PCDH19: variants seen among roughly 807,000 people sequenced by gnomAD.
The protein encoded by PCDH19 is protocadherin-19.
In PCDH19, 6 loss-of-function variants were observed where a neutral mutation model predicts 46.2. The observed-to-expected ratio is 0.13, with a 90% CI of 0.07 to 0.26. The LOEUF is 0.26. PCDH19 is among the 10% of genes least tolerant of loss of function. The probability of loss-of-function intolerance (pLI) is 1.00; values close to 1 mark genes in which losing one functional copy is unlikely to be tolerated. For synonymous variants in PCDH19, 481 were observed against 415.7 expected (o/e 1.16, Z -1.91); for missense variants, 740 against 972.3 (o/e 0.76, Z 3.18).
chrX:100,408,969 C>T lies in PCDH19; in HGVS notation c.-372G>A, dbSNP rs2147543698. 1 of 113,121 alleles carries T rather than the reference C, an allele frequency of 8.8e-6. No homozygotes were observed. The highest frequency in any genetic ancestry group is 1.9e-5 in the Non-Finnish European group (1 of 53,299). 9.3% of individuals were successfully genotyped at this position (113,121 alleles called of 1,213,427 possible). A position where few individuals can be genotyped will look rare whatever the true frequency, so the allele number is the denominator to read the frequency against. ...GCGGGTCGGGCGGCGTCTGCGCGGC[C>T]TGGAGGACGCACCGCTGAGTCCGGA... On this transcript the variant is annotated 5_prime_UTR_variant, in exon 1 of 6. Transcript: ENST00000373034.
At chrX:100,398,642 G>A (rs1475814461) in intron 3 of PCDH19, among the ~76,000 whole-genome samples, 1 of 112,100 alleles carries the variant, frequency 8.9e-6, no homozygotes, top group Non-Finnish European at 1.9e-5. Flanking sequence ...CTCTCTGAGG[G>A]CAGAAGTTAC....
intron 5 of PCDH19, among the ~76,000 whole-genome samples, chrX:100,333,183 G>GAC (rs1569294726): frequency 4.6e-5 from 2 of 43,440 alleles, no homozygotes; most frequent in African/African-American, 1.6e-4. Flanking sequence ...GGGAGAGAGA[G>GAC]AGAAAGAAAG....
At chrX:100,321,781 CTTTTTTTT>C (rs1231191259) in intron 5 of PCDH19, among the ~76,000 whole-genome samples, 14 of 43,596 alleles carry the variant, frequency 3.2e-4, no homozygotes, top group African/African-American at 1.3e-3. Context: ...CCCACCTATT[CTTTTTTTT>C]TTTTTTTTTT....
intron 5 of PCDH19, among the ~76,000 whole-genome samples, chrX:100,338,826 C>T (rs1376239136): frequency 1.8e-5 from 2 of 111,805 alleles, no homozygotes; most frequent in Non-Finnish European, 3.8e-5. Flanking sequence ...ATAGTTTATA[C>T]CTTTACCCCA....
At chrX:100,311,710 T>G (rs1925135939) in intron 5 of PCDH19, among the ~76,000 whole-genome samples, 1 of 111,177 alleles carries the variant, frequency 9.0e-6, no homozygotes, top group Non-Finnish European at 1.9e-5. Context: ...GTGTGTGTGT[T>G]TTGTCATCAG....
At chrX:100,391,362 G>C (rs1039416853) in intron 3 of PCDH19, among the ~76,000 whole-genome samples, 2 of 111,700 alleles carry the variant, frequency 1.8e-5, no homozygotes, top group African/African-American at 6.5e-5. Flanking sequence ...TGCCTTTATG[G>C]CAGAACTCGC....
At chrX:100,382,805 C>A (rs1927592711) in intron 3 of PCDH19, among the ~76,000 whole-genome samples, 1 of 112,118 alleles carries the variant, frequency 8.9e-6, no homozygotes, top group African/African-American at 3.2e-5. Context: ...GCCAGCACAT[C>A]TAGCTAACTC....
chrX:100,299,517 G>A (rs1924713197), intron 5 of PCDH19, among the ~76,000 whole-genome samples: 1 of 111,350 alleles, frequency 9.0e-6, no homozygotes, highest in South Asian at 3.9e-4. Flanking sequence ...AGCATGAGGA[G>A]ACTTGGATCC....
intron 3 of PCDH19, among the ~76,000 whole-genome samples, chrX:100,383,892 A>T (rs1927631154): frequency 8.9e-6 from 1 of 112,056 alleles, no homozygotes; most frequent in African/African-American, 3.2e-5. Context: ...GTGGAAAATA[A>T]ATGAATAGCC....
In PCDH19 at chrX:100,408,643, A is replaced by G; in HGVS notation, c.-46T>C. On this transcript the variant is annotated 5_prime_UTR_variant, in exon 1 of 6. Transcript: ENST00000373034. ...GGCCTCGCCTCTCCACACCCCTCCGAGACCGACGCCGTCGGCGCTCCAGCT... is the reference window on the plus strand; with the variant it reads ...GGCCTCGCCTCTCCACACCCCTCCGGGACCGACGCCGTCGGCGCTCCAGCT... The G allele has an allele frequency of 9.6e-7, 1 of 1,043,092 alleles. No homozygotes were observed. Among genetic ancestry groups the G allele is most frequent in the Non-Finnish European group, 1.3e-6 (1 of 772,051 alleles). 86.0% of individuals were successfully genotyped at this position (1,043,092 alleles called of 1,213,427 possible).
intron 3 of PCDH19, among the ~76,000 whole-genome samples, chrX:100,368,943 TAGAG>T (rs1347606265): frequency 9.0e-6 from 1 of 111,612 alleles, no homozygotes; most frequent in African/African-American, 3.3e-5. Flanking sequence ...CATGAGAAGA[TAGAG>T]AATTAATAAA....
intron 5 of PCDH19, among the ~76,000 whole-genome samples, chrX:100,304,888 T>A (rs1421128177): frequency 8.9e-6 from 1 of 112,140 alleles, no homozygotes; most frequent in African/African-American, 3.2e-5. Context: ...AAAAGAATTT[T>A]AAAAAATGAA....
At chrX:100,311,415 G>A (rs1187418905) in intron 5 of PCDH19, among the ~76,000 whole-genome samples, 1 of 111,275 alleles carries the variant, frequency 9.0e-6, no homozygotes, top group Non-Finnish European at 1.9e-5. Flanking sequence ...AACAAAAAGG[G>A]CACCCAGCAG....
At chrX:100,324,573 A>G (rs746740742) in intron 5 of PCDH19, among the ~76,000 whole-genome samples, 1 of 112,208 alleles carries the variant, frequency 8.9e-6, no homozygotes, top group African/African-American at 3.2e-5. Context: ...CTCATTTTAC[A>G]TTTTTAAAAA....
rs964823354 is a variant in PCDH19 at position 100,295,580 on chromosome X, T to C, written c.*697A>G. 1 of 112,479 alleles carries C rather than the reference T, an allele frequency of 8.9e-6. No homozygotes were observed. The highest frequency in any genetic ancestry group is 1.9e-5 in the Non-Finnish European group (1 of 53,392). The allele number at this position is 112,479 out of a possible 1,213,427, so 9.3% of individuals were successfully genotyped here. Reference sequence around the variant, plus strand: ...CTCATTCATTTGCTGTCTCAGTTGTTTGCACTTTGTTTTTGTCTGTAGTTT... The same window carrying C: ...CTCATTCATTTGCTGTCTCAGTTGTCTGCACTTTGTTTTTGTCTGTAGTTT... On this transcript the variant is annotated 3_prime_UTR_variant, in exon 6 of 6. Transcript: ENST00000373034.
intron 3 of PCDH19, among the ~76,000 whole-genome samples, chrX:100,385,324 T>C (rs1466694570): frequency 9.0e-6 from 1 of 111,246 alleles, no homozygotes; most frequent in Non-Finnish European, 1.9e-5. Flanking sequence ...TACACATTGC[T>C]ACAACTTATC....
chrX:100,348,802 G>A (rs181986243), intron 4 of PCDH19, among the ~76,000 whole-genome samples: 2 of 112,061 alleles, frequency 1.8e-5, no homozygotes, highest in East Asian at 5.6e-4. Context: ...TTATCTATCA[G>A]TCTACCTTGT....
chrX:100,359,512 A>G (rs1003194111), intron 3 of PCDH19, among the ~76,000 whole-genome samples: 1 of 111,568 alleles, frequency 9.0e-6, no homozygotes. Flanking sequence ...TGTAAGATTA[A>G]TAGTCATGAT....
intron 5 of PCDH19, among the ~76,000 whole-genome samples, chrX:100,307,361 A>G (rs1924981583): frequency 9.0e-6 from 1 of 111,685 alleles, no homozygotes; most frequent in African/African-American, 3.3e-5. Context: ...TATGATTAAA[A>G]CCCTCAGCAA....
Sources: gnomAD v4.1 joint callset for allele counts (sites outside exome capture counted in the v4.1 genomes callset) on GRCh38, gnomAD v4.1.1 for gene constraint, MANE v1.5 for transcripts, NCBI Gene and HGNC (gene_info 2026-07-23, HGNC 2026-07-21) for gene names.